The following HSDL2 variants were observed in gnomAD, a reference collection of about 807,000 sequenced individuals.
The protein encoded by HSDL2 is hydroxysteroid dehydrogenase-like protein 2.
Under a neutral mutation model 46.3 loss-of-function variants are expected in HSDL2, and 27 were observed. That is an observed-to-expected ratio of 0.58 (90% CI 0.43 to 0.80). HSDL2 has a LOEUF of 0.80. Ranked by LOEUF, HSDL2 falls within the 30% of genes least tolerant of loss-of-function variation. The pLI is 0.00. For missense variants in HSDL2, 451 were observed against 502.7 expected, an observed-to-expected ratio of 0.90 and a Z score of 0.98; for synonymous variants, 153 against 163.6, an observed-to-expected ratio of 0.94 and a Z score of 0.50.
intron 6 of HSDL2, among the ~76,000 whole-genome samples, chr9:112,427,939 G>A (rs1214033180): frequency 6.6e-6 from 1 of 152,144 alleles, no homozygotes; most frequent in Non-Finnish European, 1.5e-5. Context: ...TAGAAGTTAG[G>A]TTTTAAAAGC....
intron 7 of HSDL2, among the ~76,000 whole-genome samples, chr9:112,440,838 T>C (rs1332048410): frequency 1.3e-5 from 2 of 151,972 alleles, no homozygotes; most frequent in Non-Finnish European, 2.9e-5. Flanking sequence ...TGAAACTCTA[T>C]CTCTACTAAA....
chr9:112,447,958 G>A (rs1035977445), intron 8 of HSDL2, among the ~76,000 whole-genome samples: 3 of 152,128 alleles, frequency 2.0e-5, no homozygotes, highest in African/African-American at 7.2e-5. Context: ...TTGAGAGAGC[G>A]TGAGTACTCA....
chr9:112,390,215 G>A (rs1459928840), intron 1 of HSDL2, among the ~76,000 whole-genome samples: 1 of 152,044 alleles, frequency 6.6e-6, no homozygotes, highest in Non-Finnish European at 1.5e-5. Flanking sequence ...GACTGATAAA[G>A]CTGTTTTAAT....
intron 1 of HSDL2, among the ~76,000 whole-genome samples, chr9:112,395,897 A>G (rs780018831): frequency 1.3e-5 from 2 of 152,244 alleles, no homozygotes; most frequent in Non-Finnish European, 2.9e-5. Flanking sequence ...GAGAGCAGCC[A>G]CTGCTCAATC....
At chr9:112,470,411 T>G in intron 10 of HSDL2, 21 bp from the exon 11 acceptor site, 1 of 1,493,280 alleles carries the variant, frequency 6.7e-7, no homozygotes, top group Non-Finnish European at 9.3e-7. Context: ...TGCTTTTCCC[T>G]CTCTCATTTT....
At chr9:112,449,039 C>G (rs527694298) in intron 8 of HSDL2, among the ~76,000 whole-genome samples, 13 of 150,772 alleles carry the variant, frequency 8.6e-5, no homozygotes, top group African/African-American at 3.2e-4. Context: ...TTCACTTACA[C>G]AATTTTTTAA....
chr9:112,404,866 T>G (rs4978489), intron 2 of HSDL2, among the ~76,000 whole-genome samples: 1 of 151,954 alleles, frequency 6.6e-6, no homozygotes, highest in Admixed American at 6.6e-5. Context: ...GTGAAGTGTT[T>G]ATGAGTGAAA....
chr9:112,396,962 A>G (rs1323262391), intron 1 of HSDL2, among the ~76,000 whole-genome samples: 1 of 152,088 alleles, frequency 6.6e-6, no homozygotes, highest in African/African-American at 2.4e-5. Flanking sequence ...GGGGCCTGAG[A>G]CTGGCCCCGC....
intron 6 of HSDL2, among the ~76,000 whole-genome samples, chr9:112,419,651 T>C (rs1832075753): frequency 6.6e-6 from 1 of 152,228 alleles, no homozygotes; most frequent in African/African-American, 2.4e-5. Flanking sequence ...CAAATGCTTT[T>C]TAACATTTTT....
intron 10 of HSDL2, among the ~76,000 whole-genome samples, chr9:112,467,403 G>A (rs535701876): frequency 2.6e-5 from 4 of 152,222 alleles, no homozygotes; most frequent in African/African-American, 9.6e-5. Context: ...AGAGTCTGGA[G>A]GCAGGGGGAG....
intron 1 of HSDL2, among the ~76,000 whole-genome samples, chr9:112,384,087 T>C (rs1179371824): frequency 2.0e-5 from 3 of 152,246 alleles, no homozygotes; most frequent in African/African-American, 7.2e-5. Flanking sequence ...TTTTTCAGAA[T>C]TTTCCTGGTT....
chr9:112,423,231 G>C (rs1333997741), intron 6 of HSDL2, among the ~76,000 whole-genome samples: 1 of 152,212 alleles, frequency 6.6e-6, no homozygotes, highest in Admixed American at 6.5e-5. Context: ...TCCCTATATT[G>C]AAGAGACAAG....
chr9:112,420,526 A>C lies in HSDL2; in HGVS notation c.598+1568A>C, dbSNP rs59942057. Among the ~76,000 whole-genome samples the C allele has an allele frequency of 4.5e-3, 686 of 151,570 alleles. 3 individuals are homozygous for C. The highest frequency in any genetic ancestry group is 0.013 in the African/African-American group (547 of 41,362). ...CCTCTTAAAAAAAAAAACACACACA[A>C]AAAAAACCTAGCTAGGTGTAGTGGT... On this transcript the variant is annotated intron_variant, in intron 6 of 10. Transcript: ENST00000398805.
At chr9:112,382,193 G>C (rs1831114265) in intron 1 of HSDL2, among the ~76,000 whole-genome samples, 1 of 152,252 alleles carries the variant, frequency 6.6e-6, no homozygotes, top group Admixed American at 6.5e-5. Flanking sequence ...CCTGGAGGCG[G>C]AGGTGGCAGT....
chr9:112,382,428 A>T (rs1310487272), intron 1 of HSDL2, among the ~76,000 whole-genome samples: 1 of 152,186 alleles, frequency 6.6e-6, no homozygotes, highest in African/African-American at 2.4e-5. Flanking sequence ...AAAAAGTGTC[A>T]CCTCATTATT....
At chr9:112,380,969 T>C (rs1264198361) in intron 1 of HSDL2, among the ~76,000 whole-genome samples, 4 of 152,306 alleles carry the variant, frequency 2.6e-5, no homozygotes, top group African/African-American at 7.2e-5. Flanking sequence ...AGCCAAAGAC[T>C]TAAAACAGTT....
At chr9:112,460,747 A>C (rs1587970167) in intron 10 of HSDL2, among the ~76,000 whole-genome samples, 1 of 152,338 alleles carries the variant, frequency 6.6e-6, no homozygotes, top group Non-Finnish European at 1.5e-5. Context: ...CCGTCTCAAA[A>C]AAAGAGAAAG....
At chr9:112,457,019 G>A (rs1045389980) in intron 9 of HSDL2, among the ~76,000 whole-genome samples, 3 of 152,094 alleles carry the variant, frequency 2.0e-5, no homozygotes, top group Admixed American at 6.5e-5. Context: ...TTGGTGGCGC[G>A]TGCCTGTAGT....
intron 6 of HSDL2, among the ~76,000 whole-genome samples, chr9:112,438,169 C>T (rs965188912): frequency 6.6e-6 from 1 of 152,170 alleles, no homozygotes; most frequent in Non-Finnish European, 1.5e-5. Flanking sequence ...ACCCAGGAGG[C>T]AGAGGTTGCG....
Sources: allele counts gnomAD v4.1 joint callset (sites outside exome capture counted in the v4.1 genomes callset), GRCh38; gene constraint gnomAD v4.1.1; transcripts MANE v1.5; gene names NCBI Gene and HGNC (gene_info 2026-07-23, HGNC 2026-07-21).